MACROD2: variants seen among roughly 807,000 people sequenced by gnomAD.
MACROD2 encodes mono-ADP ribosylhydrolase 2.
MACROD2 carries 36 observed loss-of-function variants against 70.4 expected under a neutral mutation model. The ratio of observed to expected loss-of-function variants is 0.51; its 90% CI spans 0.39 to 0.68. The LOEUF (loss-of-function observed/expected upper bound fraction) is 0.68. Among genes scored for constraint, MACROD2 ranks in the 30% least tolerant of loss-of-function variants. MACROD2 has a pLI of 0.00. For missense variants in MACROD2, 496 were observed against 538.4 expected (o/e 0.92, Z 0.78); for synonymous variants, 172 against 178.8 (o/e 0.96, Z 0.30).
intron 15 of MACROD2, among the ~76,000 whole-genome samples, chr20:16,035,925 T>C (rs1878136152): frequency 6.6e-6 from 1 of 151,914 alleles, no homozygotes; most frequent in Non-Finnish European, 1.5e-5. Flanking sequence ...TCTGCTAACA[T>C]CCCATTGGCC....
intron 5 of MACROD2, among the ~76,000 whole-genome samples, chr20:14,981,397 A>C (rs1413950042): frequency 6.8e-6 from 1 of 147,696 alleles, no homozygotes; most frequent in African/African-American, 2.5e-5. Context: ...CCTTACTGTA[A>C]TTCCAATCAT....
intron 5 of MACROD2, among the ~76,000 whole-genome samples, chr20:14,908,753 A>G (rs1414129791): frequency 1.3e-5 from 2 of 152,156 alleles, no homozygotes; most frequent in African/African-American, 2.4e-5. Context: ...TAGGGAAAAT[A>G]GGAATTTATT....
At chr20:15,090,953 A>T (rs6110513) in intron 5 of MACROD2, among the ~76,000 whole-genome samples, 58,820 of 151,732 alleles carry the variant, frequency 0.39, 12,101 homozygotes, top group East Asian at 0.53. Context: ...TCTCTAATCA[A>T]TGGAGTCCAC....
intron 5 of MACROD2, among the ~76,000 whole-genome samples, chr20:14,788,456 T>C (rs1460630191): frequency 6.6e-6 from 1 of 151,602 alleles, no homozygotes; most frequent in Non-Finnish European, 1.5e-5. Context: ...TGTGATGGTG[T>C]GCACCTGTAT....
intron 12 of MACROD2, among the ~76,000 whole-genome samples, chr20:15,954,257 A>T (rs890467130): frequency 6.6e-6 from 1 of 152,086 alleles, no homozygotes; most frequent in African/African-American, 2.4e-5. Flanking sequence ...CAAATAGCTC[A>T]CTATAGCCTG....
At chr20:15,153,060 G>A (rs1044121863) in intron 5 of MACROD2, among the ~76,000 whole-genome samples, 13 of 152,090 alleles carry the variant, frequency 8.5e-5, no homozygotes, top group East Asian at 3.9e-4. Flanking sequence ...ACCTGAGGTC[G>A]TAGGTGGATC....
intron 3 of MACROD2, among the ~76,000 whole-genome samples, chr20:14,104,527 A>G (rs866353192): frequency 4.6e-5 from 7 of 152,218 alleles, no homozygotes; most frequent in Non-Finnish European, 7.3e-5. Context: ...CCTACCATGT[A>G]GCACAGCACT....
At chr20:15,726,082 A>G (rs1416637366) in intron 8 of MACROD2, among the ~76,000 whole-genome samples, 2 of 151,578 alleles carry the variant, frequency 1.3e-5, no homozygotes, top group African/African-American at 4.8e-5. Context: ...CTCTTCTCTC[A>G]CTCTCCACCC....
chr20:14,133,864 G>A (rs542572302), intron 3 of MACROD2, among the ~76,000 whole-genome samples: 11 of 152,306 alleles, frequency 7.2e-5, no homozygotes, highest in African/African-American at 9.6e-5. Flanking sequence ...GCTGCAGGGC[G>A]CCAACTTGAC....
At chr20:15,090,022 G>C (rs2075781319) in intron 5 of MACROD2, among the ~76,000 whole-genome samples, 1 of 152,112 alleles carries the variant, frequency 6.6e-6, no homozygotes, top group Admixed American at 6.6e-5. Context: ...CAGAGGAGTA[G>C]TTTAGATCAG....
intron 5 of MACROD2, among the ~76,000 whole-genome samples, chr20:14,873,739 A>T (rs1304821511): frequency 6.6e-6 from 1 of 152,102 alleles, no homozygotes; most frequent in East Asian, 1.9e-4. Context: ...GGCCTCTCTA[A>T]TCCCAGCTAC....
chr20:15,126,462 T>A (rs2076067812), intron 5 of MACROD2, among the ~76,000 whole-genome samples: 1 of 151,974 alleles, frequency 6.6e-6, no homozygotes, highest in Non-Finnish European at 1.5e-5. Flanking sequence ...AATTTAAAAT[T>A]ATATAAATTA....
intron 3 of MACROD2, among the ~76,000 whole-genome samples, chr20:14,422,868 T>C (rs1419351812): frequency 3.9e-5 from 6 of 152,204 alleles, no homozygotes; most frequent in African/African-American, 1.4e-4. Context: ...CCTTTATCTA[T>C]TTATATGGCT....
chr20:15,757,754 AAG>A (rs1038619954), intron 8 of MACROD2, among the ~76,000 whole-genome samples: 5 of 151,950 alleles, frequency 3.3e-5, no homozygotes, highest in Admixed American at 6.6e-5. Flanking sequence ...AGAGATAGAG[AAG>A]AGAGAGAGAG....
intron 5 of MACROD2, among the ~76,000 whole-genome samples, chr20:15,127,641 G>A (rs566453823): frequency 2.0e-5 from 3 of 152,078 alleles, no homozygotes; most frequent in Non-Finnish European, 2.9e-5. Flanking sequence ...AAGTGAGGCT[G>A]CTCACCACTT....
At chr20:14,239,832 G>A (rs1822451615) in intron 3 of MACROD2, among the ~76,000 whole-genome samples, 1 of 152,110 alleles carries the variant, frequency 6.6e-6, no homozygotes, top group African/African-American at 2.4e-5. Flanking sequence ...TTGACAAATG[G>A]GACCTAATTA....
rs766468718 is a variant in MACROD2, at chr20:14,326,167, G to A, written c.272-167312G>A. 7.4e-6 allele frequency: 12 copies of A among 1,613,706 alleles called. No homozygotes were observed. In the South Asian group the frequency reaches 7.7e-5, roughly 10 times the overall value. The stretch of plus-strand genomic sequence containing the variant: ...TGTTTCTGTTATAGATCCAAATGCC[G>A]GGCTATGGCCCAGTTTAAGCCAGCT... On this transcript the variant is annotated intron_variant, in intron 3 of 17. Coordinates refer to ENST00000684519, the MANE Select transcript of MACROD2 (RefSeq NM_001351661.2). The surrounding 1 kb of genome is among the most constrained non-coding windows in gnomAD (Gnocchi z 5.5).
rs182344448 is a variant in MACROD2, at chr20:15,045,922, G to A, written c.419-184018G>A. 4.6e-5 allele frequency among the ~76,000 whole-genome samples: 7 copies of A among 151,784 alleles called. No homozygotes were observed. The East Asian group carries it at 1.4e-3, about 30-fold the overall frequency. On this transcript the variant is annotated intron_variant, in intron 5 of 17. Transcript: ENST00000684519. ...ATTTCTGAGGGTGTTCTGCTGGCTC[G>A]CCTCTCCACGTCTGACCTGTCTTCT...
chr20:15,935,145 G>T (rs2065639838), intron 11 of MACROD2, among the ~76,000 whole-genome samples: 1 of 152,152 alleles, frequency 6.6e-6, no homozygotes, highest in African/African-American at 2.4e-5. Flanking sequence ...TTAACCAGTT[G>T]AGAACAAGTA....
Sources: gnomAD v4.1 joint callset for allele counts (sites outside exome capture counted in the v4.1 genomes callset) on GRCh38, gnomAD v4.1.1 for gene constraint, Gnocchi (gnomAD v3.1) non-coding constraint, MANE v1.5 for transcripts, NCBI Gene and HGNC (gene_info 2026-07-23, HGNC 2026-07-21) for gene names.